Variants in MAEA observed in about 807,000 individuals in gnomAD.
MAEA encodes E3 ubiquitin-protein transferase MAEA.
In MAEA, 22 loss-of-function variants were observed where a neutral mutation model predicts 46.2. The ratio of observed to expected loss-of-function variants is 0.48; its 90% CI spans 0.34 to 0.68. MAEA has a LOEUF of 0.68. MAEA is among the 30% of genes least tolerant of loss of function. The pLI, the probability that MAEA is intolerant of heterozygous loss-of-function variation, is 0.01. For synonymous variants in MAEA, 246 were observed against 222.6 expected, an observed-to-expected ratio of 1.11 and a Z score of -0.94; for missense variants, 393 against 558.1, an observed-to-expected ratio of 0.70 and a Z score of 2.98.
chr4:1,329,349 C>T (rs1739249311), intron 5 of MAEA: 9 of 985,516 alleles, frequency 9.1e-6, no homozygotes, highest in South Asian at 4.7e-5. Context: ...TCCCCCTGCT[C>T]TGGGTAGAAT....
intron 7 of MAEA, chr4:1,337,582 C>T (rs1386282774): frequency 5.7e-6 from 1 of 176,274 alleles, no homozygotes; most frequent in Non-Finnish European, 1.2e-5. Flanking sequence ...TGATTCCTTC[C>T]TGTGACTGAC....
rs753426001 is a variant in MAEA at position 1,327,695 on chromosome 4, C to T, written c.648C>T (p.Asp216=). 9.9e-6 allele frequency: 16 copies of T among 1,613,522 alleles called. No homozygotes were observed. The highest frequency in any genetic ancestry group is 2.7e-5 in the African/African-American group (2 of 74,924). Reference sequence around the variant, plus strand: ...TCATCCGGCAGAATAAGAGACTGGACGCTGTGAGGTAGGCATTGCGGACGT... The same window carrying T: ...TCATCCGGCAGAATAAGAGACTGGATGCTGTGAGGTAGGCATTGCGGACGT... ...IELIRQNKRL[D]AVRHARKHFS... Residue 216 remains aspartate, a synonymous_variant, in exon 5 of 9, where the codon GAC becomes GAT. Transcript: ENST00000303400.
At chr4:1,324,411 CTGGTGTTGGATGAAGTTGAGAT>C (rs1464057882) in intron 4 of MAEA, among the ~76,000 whole-genome samples, 4,029 of 143,188 alleles carry the variant, frequency 0.028, 145 homozygotes, top group East Asian at 0.17. Flanking sequence ...ATGAGTGTGT[CTGGTGTTGGATGAAGTTGAGAT>C]TGGTGTTGGA....
intron 6 of MAEA, among the ~76,000 whole-genome samples, chr4:1,333,557 G>A (rs1712139158): frequency 6.6e-6 from 1 of 152,102 alleles, no homozygotes; most frequent in East Asian, 1.9e-4. Context: ...CGGTCACTGG[G>A]GTAGGGTTGG....
intron 2 of MAEA, among the ~76,000 whole-genome samples, chr4:1,314,649 C>G (rs13149952): frequency 0.34 from 51,875 of 152,088 alleles, 10,617 homozygotes; most frequent in Non-Finnish European, 0.46. Context: ...GAATCCGACA[C>G]AGAGTAAGTG....
intron 3 of MAEA, among the ~76,000 whole-genome samples, chr4:1,320,506 A>G (rs1299506770): frequency 6.6e-6 from 1 of 151,994 alleles, no homozygotes; most frequent in Non-Finnish European, 1.5e-5. Flanking sequence ...GCAAACATGC[A>G]AGAAAACGCT....
chr4:1,318,478 A>T (rs979063708), intron 3 of MAEA, among the ~76,000 whole-genome samples: 4 of 152,164 alleles, frequency 2.6e-5, no homozygotes, highest in African/African-American at 9.7e-5. Flanking sequence ...GGCTACACTC[A>T]AGGTGTTGGG....
intron 3 of MAEA, among the ~76,000 whole-genome samples, chr4:1,317,460 C>T (rs1045929719): frequency 6.6e-6 from 1 of 151,782 alleles, no homozygotes; most frequent in Admixed American, 6.6e-5. Context: ...TCCCGCACCT[C>T]GTTCACCTTC....
At chr4:1,305,589 T>G (rs1735749585) in intron 1 of MAEA, among the ~76,000 whole-genome samples, 1 of 152,154 alleles carries the variant, frequency 6.6e-6, no homozygotes, top group Non-Finnish European at 1.5e-5. Context: ...AGAAGGATCA[T>G]CAGAACTGCT....
chr4:1,290,821 T>C (rs931820717), intron 1 of MAEA, among the ~76,000 whole-genome samples: 2 of 152,198 alleles, frequency 1.3e-5, no homozygotes, highest in African/African-American at 2.4e-5. Flanking sequence ...GCCAGGTTGC[T>C]GTGCGTTCCC....
At chr4:1,333,483 G>C (rs555778549) in intron 6 of MAEA, among the ~76,000 whole-genome samples, 1 of 152,122 alleles carries the variant, frequency 6.6e-6, no homozygotes, top group Non-Finnish European at 1.5e-5. Context: ...ACCGTCTTCC[G>C]TGGTTCTTTC....
At position 1,339,298 on chromosome 4, in the gene MAEA, C is replaced by T. The variant is rs766583223; in HGVS notation, c.*129C>T. 5.9e-5 allele frequency: 40 copies of T among 675,060 alleles called. No homozygotes were observed. The highest frequency in any genetic ancestry group is 5.0e-5 in the Admixed American group (2 of 40,370). 41.8% of individuals were successfully genotyped at this position (675,060 alleles called of 1,614,324 possible). ...CTTGCGACCAAAGATCCGTGAGCAA[C>T]GATAAATACTCTTAGGAAGAGAGAA... On this transcript the variant is annotated 3_prime_UTR_variant, in exon 9 of 9. Coordinates refer to ENST00000303400, the MANE Select transcript of MAEA (RefSeq NM_001017405.3).
chr4:1,315,541 C>T lies in MAEA; in HGVS notation c.397C>T (p.Leu133=). The change falls in exon 3 of 9, where the codon CTG becomes TTG. Residue 133 remains leucine (L), a synonymous_variant. Coordinates refer to ENST00000303400, the MANE Select transcript of MAEA (RefSeq NM_001017405.3). ...KRMDRMMVEH[L]LRCGYYNTAV... ...CATGGATCGCATGATGGTGGAGCAC[C>T]TGCTGCGTTGCGGCTACTACAACAC... 1 of 1,613,864 alleles carries T rather than the reference C, an allele frequency of 6.2e-7. No individual in the cohort carries two copies. Among genetic ancestry groups the T allele is most frequent in the African/African-American group, 1.3e-5 (1 of 75,044 alleles).
At chr4:1,310,159 G>T (rs1029127002) in intron 1 of MAEA, among the ~76,000 whole-genome samples, 3 of 150,670 alleles carry the variant, frequency 2.0e-5, no homozygotes, top group Admixed American at 2.0e-4. Flanking sequence ...ATTCCACCTC[G>T]TGGCAGGACA....
chr4:1,298,114 A>G (rs1168153135), intron 1 of MAEA: 1 of 456,112 alleles, frequency 2.2e-6, no homozygotes, highest in Non-Finnish European at 4.4e-6. Flanking sequence ...CCTGTACCCC[A>G]GGTACTGTTC....
At chr4:1,312,197 G>A (rs1348146959) in intron 2 of MAEA, 36 bp downstream of exon 2, 2 of 1,610,856 alleles carry the variant, frequency 1.2e-6, no homozygotes, top group Non-Finnish European at 8.5e-7. Context: ...TCAGTCTGGG[G>A]CATGGACACC....
chr4:1,302,855 C>T (rs1735455393), intron 1 of MAEA, among the ~76,000 whole-genome samples: 1 of 152,206 alleles, frequency 6.6e-6, no homozygotes, highest in South Asian at 2.1e-4. Flanking sequence ...CTAAGCACAT[C>T]ATTAATCCTT....
chr4:1,291,130 C>T (rs989007285), intron 1 of MAEA, among the ~76,000 whole-genome samples: 1 of 152,160 alleles, frequency 6.6e-6, no homozygotes, highest in Non-Finnish European at 1.5e-5. Flanking sequence ...AAAGCAGAAG[C>T]AAGCTTCTCC....
intron 7 of MAEA, 45 bp from the exon 8 acceptor site, chr4:1,338,377 G>T (rs375111085): frequency 1.3e-6 from 2 of 1,536,898 alleles, no homozygotes; most frequent in African/African-American, 1.4e-5. Flanking sequence ...GGCTCACCCC[G>T]GCTGCCCTGA....
Sources: gnomAD v4.1 joint callset for allele counts (sites outside exome capture counted in the v4.1 genomes callset) on GRCh38, gnomAD v4.1.1 for gene constraint, MANE v1.5 for transcripts, NCBI Gene and HGNC (gene_info 2026-07-23, HGNC 2026-07-21) for gene names.